The following TMEM87B variants were observed in gnomAD, a reference collection of about 807,000 sequenced individuals.
The protein encoded by TMEM87B is transmembrane protein 87B.
TMEM87B carries 83 observed loss-of-function variants against 80.3 expected under a neutral mutation model. The ratio of observed to expected loss-of-function variants is 1.03; its 90% confidence interval spans 0.87 to 1.24. TMEM87B has a LOEUF of 1.24. TMEM87B is among the 50% of genes most tolerant of loss of function. TMEM87B has a pLI of 0.00. For missense variants in TMEM87B, 625 were observed against 674.4 expected (o/e 0.93, Z 0.81); for synonymous variants, 219 against 230.5 (o/e 0.95, Z 0.45).
At chr2:112,089,507 A>G in intron 9 of TMEM87B, 118 bp from the exon 10 acceptor site, 1 of 873,846 alleles carries the variant, frequency 1.1e-6, no homozygotes, top group Non-Finnish European at 1.9e-6. Context: ...CCGGGAACAG[A>G]CTGATGTGAT....
chr2:112,058,784 T>C (rs2104451462), intron 1 of TMEM87B, among the ~76,000 whole-genome samples: 1 of 152,298 alleles, frequency 6.6e-6, no homozygotes, highest in East Asian at 1.9e-4. Context: ...GGGCCTAAAT[T>C]AGGGCAGTGG....
At position 112,119,240 on chromosome 2, in the gene TMEM87B, G is replaced by C. The variant is rs893729434; in HGVS notation, c.*3097G>C. On this transcript the variant is annotated 3_prime_UTR_variant, in exon 19 of 19. Transcript: ENST00000283206. Reference sequence around the variant, plus strand: ...GAATGTAGGACATAACCGTTTGAAGGGTTTTCATTTGAAAAATTGATGTAT... The same window carrying C: ...GAATGTAGGACATAACCGTTTGAAGCGTTTTCATTTGAAAAATTGATGTAT... 5.9e-5 allele frequency: 9 copies of C among 152,086 alleles called. No individual in the cohort carries two copies. The highest frequency in any genetic ancestry group is 1.2e-4 in the Non-Finnish European group (8 of 67,960). 9.4% of individuals were successfully genotyped at this position (152,086 alleles called of 1,614,324 possible).
chr2:112,101,958 T>G (rs1679642256), intron 15 of TMEM87B, among the ~76,000 whole-genome samples: 1 of 152,204 alleles, frequency 6.6e-6, no homozygotes, highest in South Asian at 2.1e-4. Context: ...ATTCTAACCC[T>G]GTGCCACTAA....
chr2:112,055,622 C>A lies in TMEM87B; in HGVS notation c.31C>A (p.Leu11Ile). The A allele has an allele frequency of 6.5e-7, 1 of 1,541,792 alleles. No individual in the cohort carries two copies. The highest frequency in any genetic ancestry group is 8.7e-7 in the Non-Finnish European group (1 of 1,146,154). Residue 11 changes from leucine to isoleucine, a missense_variant, in exon 1 of 19, where the codon CTC (leucine) becomes ATC (isoleucine). Transcript: ENST00000283206. MVAACRSVAG[L>I]LPRRRRCFPA... ...CGCCGCCTGCCGCTCGGTAGCCGGGCTCCTGCCACGCCGCCGCCGCTGCTT... is the reference window on the plus strand; with the variant it reads ...CGCCGCCTGCCGCTCGGTAGCCGGGATCCTGCCACGCCGCCGCCGCTGCTT...
chr2:112,094,318 C>T (rs1413576501), intron 11 of TMEM87B, among the ~76,000 whole-genome samples: 4 of 151,856 alleles, frequency 2.6e-5, no homozygotes, highest in South Asian at 2.1e-4. Context: ...TGCGCCACCA[C>T]GCCCAGCTAA....
rs1196277395 is a variant in TMEM87B, at chr2:112,097,194, T to G, written c.1214-39T>G. The G allele has an allele frequency of 6.2e-6, 10 of 1,601,536 alleles. No homozygotes were observed. In the Admixed American group the frequency reaches 1.0e-4, roughly 17 times the overall value. On this transcript the variant is annotated intron_variant, in intron 12 of 18. Coordinates refer to ENST00000283206, the MANE Select transcript of TMEM87B (RefSeq NM_032824.3). ...TTCTTACAGTAAATTATCTTAGTAT[T>G]GTTATATTCCTTCAAAGGTGACTTT...
chr2:112,112,421 G>T (rs1022431568), intron 17 of TMEM87B, among the ~76,000 whole-genome samples: 3 of 152,128 alleles, frequency 2.0e-5, no homozygotes, highest in Admixed American at 2.0e-4. Flanking sequence ...ACTCATAAAT[G>T]GGTTAGGTCC....
chr2:112,095,564 T>G, intron 11 of TMEM87B: 1 of 721,044 alleles, frequency 1.4e-6, no homozygotes, highest in Non-Finnish European at 1.7e-6. Flanking sequence ...AAGTATATGT[T>G]TTGATGTATT....
At chr2:112,056,775 C>T (rs1396815730) in intron 1 of TMEM87B, among the ~76,000 whole-genome samples, 1 of 152,174 alleles carries the variant, frequency 6.6e-6, no homozygotes, top group African/African-American at 2.4e-5. Flanking sequence ...CTTTTAAGAC[C>T]TAGTGCAGCC....
Position 112,112,932 on chromosome 2 carries a change from A to C in TMEM87B, c.1608+3A>C. The C allele has an allele frequency of 6.2e-7, 1 of 1,612,000 alleles. No individual in the cohort carries two copies. Among genetic ancestry groups the C allele is most frequent in the Non-Finnish European group, 8.5e-7 (1 of 1,178,688 alleles). On this transcript the variant is annotated splice_donor_region_variant and intron_variant, in intron 18 of 18. Coordinates refer to ENST00000283206, the MANE Select transcript of TMEM87B (RefSeq NM_032824.3). ...CAGTGTTAGTGGATTCAGATGAGGT[A>C]AAATATATTTTTGCATATTTCCTTG...
At chr2:112,064,821 TTGTTTCCTTTTCAGATTCTC>T (rs1678371122) in intron 3 of TMEM87B, among the ~76,000 whole-genome samples, 1 of 152,188 alleles carries the variant, frequency 6.6e-6, no homozygotes, top group Non-Finnish European at 1.5e-5. Flanking sequence ...TTGCTTGGGA[TTGTTTCCTTTTCAGATTCTC>T]TGTTACCTGT....
chr2:112,092,862 A>G (rs1313353867), intron 11 of TMEM87B, among the ~76,000 whole-genome samples: 1 of 152,198 alleles, frequency 6.6e-6, no homozygotes, highest in African/African-American at 2.4e-5. Context: ...GTGACTGACC[A>G]GAGTGGAATG....
chr2:112,072,105 G>A (rs6708896), intron 4 of TMEM87B, among the ~76,000 whole-genome samples: 109,604 of 152,122 alleles, frequency 0.72, 41,125 homozygotes, highest in African/African-American at 0.93. Flanking sequence ...CATGTGTTGA[G>A]CCTACCTTGC....
chr2:112,069,019 C>T (rs1303083953), intron 4 of TMEM87B, among the ~76,000 whole-genome samples: 5 of 150,782 alleles, frequency 3.3e-5, no homozygotes, highest in East Asian at 2.0e-4. Flanking sequence ...GGTGAAACCC[C>T]GTCTCTACTA....
At chr2:112,078,921 G>A (rs1458319905) in intron 6 of TMEM87B, among the ~76,000 whole-genome samples, 1 of 152,208 alleles carries the variant, frequency 6.6e-6, no homozygotes, top group Non-Finnish European at 1.5e-5. Context: ...TATATGATCA[G>A]ATTTGGCACA....
At chr2:112,071,312 C>A (rs575027662) in intron 4 of TMEM87B, among the ~76,000 whole-genome samples, 2 of 143,206 alleles carry the variant, frequency 1.4e-5, no homozygotes, top group East Asian at 4.3e-4. Context: ...CCCCGCCCCC[C>A]CGCCGCCGCC....
At chr2:112,056,128 G>A (rs1021264521) in intron 1 of TMEM87B, among the ~76,000 whole-genome samples, 1 of 152,110 alleles carries the variant, frequency 6.6e-6, no homozygotes, top group East Asian at 1.9e-4. Flanking sequence ...CTTCCTGTCC[G>A]GATGCAGCCA....
rs1680067886 is a variant in TMEM87B, at chr2:112,117,935, T to TA, written c.*1792_*1793insA. 6.6e-6 allele frequency: 1 copy of TA among 151,728 alleles called. No individual in the cohort carries two copies. The highest frequency in any genetic ancestry group is 6.6e-5 in the Admixed American group (1 of 15,210). 9.4% of individuals were successfully genotyped at this position (151,728 alleles called of 1,614,324 possible). A position where few individuals can be genotyped will look rare whatever the true frequency, so the allele number is the denominator to read the frequency against. ...AATCTGGTAGAGTGGGAGTGTGGAG[T>TA]TAATGGTGAGTATGTTAATAAAGGG... On this transcript the variant is annotated 3_prime_UTR_variant, in exon 19 of 19. Transcript: ENST00000283206.
At chr2:112,094,771 T>G (rs935275318) in intron 11 of TMEM87B, among the ~76,000 whole-genome samples, 1 of 152,202 alleles carries the variant, frequency 6.6e-6, no homozygotes, top group Non-Finnish European at 1.5e-5. Context: ...TAGTGTTTCA[T>G]GGTGAGACAA....
Sources: gnomAD v4.1 joint callset for allele counts (sites outside exome capture counted in the v4.1 genomes callset) on GRCh38, gnomAD v4.1.1 for gene constraint, MANE v1.5 for transcripts, NCBI Gene and HGNC (gene_info 2026-07-23, HGNC 2026-07-21) for gene names.